The following KCNJ16 variants were observed in gnomAD, a reference collection of about 807,000 sequenced individuals.
The protein encoded by KCNJ16 is potassium inwardly rectifying channel subfamily J member 16, also known as inward rectifier potassium channel 16.
KCNJ16 carries 15 observed loss-of-function variants against 18.5 expected under a neutral mutation model. The observed-to-expected ratio is 0.81, with a 90% CI of 0.54 to 1.25. The LOEUF (loss-of-function observed/expected upper bound fraction) is 1.25, where lower values mean the gene tolerates loss of function less well. Ranked by LOEUF, KCNJ16 falls within the 50% of genes most tolerant of loss-of-function variation. The pLI, the probability that KCNJ16 is intolerant of heterozygous loss-of-function variation, is 0.00. For synonymous variants in KCNJ16, 174 were observed against 186.5 expected (o/e 0.93, Z 0.55); for missense variants, 523 against 525.7 (o/e 0.99, Z 0.05).
intron 1 of KCNJ16, chr17:70,096,609 C>T (rs978135880): frequency 4.3e-6 from 1 of 229,972 alleles, no homozygotes; most frequent in Non-Finnish European, 8.3e-6. Context: ...ATTATTATTA[C>T]ATCATAATAG....
intron 1 of KCNJ16, among the ~76,000 whole-genome samples, chr17:70,085,300 C>T (rs2071744238): frequency 6.6e-6 from 1 of 152,152 alleles, no homozygotes; most frequent in African/African-American, 2.4e-5. Flanking sequence ...GTGCCATGCA[C>T]CATTCTAAAT....
intron 1 of KCNJ16, chr17:70,096,754 C>T: frequency 2.6e-6 from 1 of 384,178 alleles, no homozygotes; most frequent in African/African-American, 2.1e-5. Context: ...AATCAAGCAT[C>T]TCAGAGCGAG....
chr17:70,078,261 C>T (rs1393256135), intron 1 of KCNJ16, among the ~76,000 whole-genome samples: 1 of 152,142 alleles, frequency 6.6e-6, no homozygotes, highest in East Asian at 1.9e-4. Context: ...AAAACTAGAT[C>T]TGAAACTGCT....
At chr17:70,124,063 A>AGAGC (rs375167450) in intron 2 of KCNJ16, among the ~76,000 whole-genome samples, 30,197 of 152,042 alleles carry the variant, frequency 0.2, 3,520 homozygotes, top group African/African-American at 0.32. Context: ...TAGTGCTCTC[A>AGAGC]CTTAACAACC....
At chr17:70,112,078 G>A (rs2073209208) in intron 2 of KCNJ16, among the ~76,000 whole-genome samples, 1 of 152,170 alleles carries the variant, frequency 6.6e-6, no homozygotes, top group Non-Finnish European at 1.5e-5. Context: ...GACCCCCTTT[G>A]CTTGATGGCA....
intron 1 of KCNJ16, among the ~76,000 whole-genome samples, chr17:70,079,119 A>G (rs1455017528): frequency 2.6e-5 from 4 of 152,200 alleles, no homozygotes; most frequent in African/African-American, 7.2e-5. Flanking sequence ...AATTGGCTCA[A>G]GCGATTATGG....
intron 2 of KCNJ16, among the ~76,000 whole-genome samples, chr17:70,124,898 T>TTGTGTGTGTG (rs71149824): frequency 4.2e-4 from 63 of 151,084 alleles, no homozygotes; most frequent in East Asian, 5.9e-4. Context: ...GGGTGTGTGT[T>TTGTGTGTGTG]TGTGTGTGTG....
At chr17:70,080,395 C>T (rs1355699163) in intron 1 of KCNJ16, among the ~76,000 whole-genome samples, 1 of 152,088 alleles carries the variant, frequency 6.6e-6, no homozygotes, top group Non-Finnish European at 1.5e-5. Context: ...AAATTATTTT[C>T]ATAATGCAGG....
At chr17:70,096,988 C>G in intron 1 of KCNJ16, 1 of 397,960 alleles carries the variant, frequency 2.5e-6, no homozygotes, top group East Asian at 3.6e-5. Context: ...TCTCTATTCT[C>G]TTTTGAACCC....
intron 1 of KCNJ16, among the ~76,000 whole-genome samples, chr17:70,093,864 T>C (rs1414021014): frequency 6.6e-6 from 1 of 151,850 alleles, no homozygotes; most frequent in Middle Eastern, 3.2e-3. Flanking sequence ...TAATTTGCCA[T>C]AACTATTGGA....
intron 1 of KCNJ16, among the ~76,000 whole-genome samples, chr17:70,076,678 G>A (rs529320709): frequency 6.6e-6 from 1 of 152,116 alleles, no homozygotes; most frequent in Non-Finnish European, 1.5e-5. Flanking sequence ...GAGAGAACAA[G>A]AGTCTTCAAG....
At chr17:70,091,175 G>A (rs954870496) in intron 1 of KCNJ16, among the ~76,000 whole-genome samples, 1 of 152,072 alleles carries the variant, frequency 6.6e-6, no homozygotes, top group African/African-American at 2.4e-5. Context: ...ATCATGAGTA[G>A]GTCCTCCTCA....
At chr17:70,113,078 C>T (rs1298009863) in intron 2 of KCNJ16, among the ~76,000 whole-genome samples, 5 of 152,170 alleles carry the variant, frequency 3.3e-5, no homozygotes. Context: ...TTTAATGGGG[C>T]ATTCTTTTCA....
chr17:70,101,584 A>T (rs2072622216), intron 2 of KCNJ16: 1 of 50,242 alleles, frequency 2.0e-5, no homozygotes, highest in African/African-American at 6.2e-5. Context: ...ATAATTGCAG[A>T]TTTCTTTTTT....
At chr17:70,092,566 TATAG>T (rs71149816) in intron 1 of KCNJ16, among the ~76,000 whole-genome samples, 10,235 of 102,654 alleles carry the variant, frequency 0.1, 610 homozygotes, top group African/African-American at 0.18. Context: ...AGATGATAGA[TATAG>T]ATAGATAGAT....
At chr17:70,078,590 T>C (rs2071416369) in intron 1 of KCNJ16, among the ~76,000 whole-genome samples, 1 of 152,186 alleles carries the variant, frequency 6.6e-6, no homozygotes, top group African/African-American at 2.4e-5. Flanking sequence ...TTTTGGTAAA[T>C]TTTAATTTTT....
intron 1 of KCNJ16, among the ~76,000 whole-genome samples, chr17:70,091,019 C>T (rs2072066553): frequency 6.6e-6 from 1 of 152,072 alleles, no homozygotes; most frequent in Non-Finnish European, 1.5e-5. Context: ...TCCAGCCTTC[C>T]CACTTTACAA....
intron 3 of KCNJ16, 131 bp downstream of exon 3, chr17:70,131,106 C>G: frequency 1.9e-6 from 2 of 1,026,362 alleles, no homozygotes; most frequent in Non-Finnish European, 2.9e-6. Context: ...TCAATTGTAG[C>G]GTGCTCCCTT....
rs746242042 is a variant in KCNJ16 at position 70,132,417 on chromosome 17, T to G, written c.330T>G (p.Pro110=). The G allele has an allele frequency of 6.2e-7, 1 of 1,614,074 alleles. No homozygotes were observed. Among genetic ancestry groups the G allele is most frequent in the African/African-American group, 1.3e-5 (1 of 74,922 alleles). Residue 110 remains proline, a synonymous_variant, in exon 4 of 4, where the codon CCT becomes CCG. Coordinates refer to ENST00000392671, the MANE Select transcript of KCNJ16 (RefSeq NM_170741.4). ...GDLLNDPDIT[P]CVDNVHSFTG... ...TATTAAATGATCCAGACATCACACC[T>G]TGTGTTGACAACGTCCATTCTTTCA...
Sources: gnomAD v4.1 joint callset for allele counts (sites outside exome capture counted in the v4.1 genomes callset) on GRCh38, gnomAD v4.1.1 for gene constraint, MANE v1.5 for transcripts, NCBI Gene and HGNC (gene_info 2026-07-23, HGNC 2026-07-21) for gene names.